TBC1D1: variants seen among roughly 807,000 people sequenced by gnomAD.
TBC1D1 encodes the protein TBC1 domain family member 1.
A neutral mutation model predicts 125.6 loss-of-function variants in TBC1D1; 89 were observed. That is an observed-to-expected ratio of 0.71 (90% CI 0.60 to 0.85). The LOEUF is 0.85. TBC1D1 is among the 40% of genes least tolerant of loss of function. The pLI is 0.00. For synonymous variants in TBC1D1, 565 were observed against 564.1 expected (o/e 1.00, Z -0.02); for missense variants, 1,377 against 1,469.2 (o/e 0.94, Z 1.03).
In TBC1D1 at chr4:37,984,646, C is replaced by A. The variant is rs1313283088; in HGVS notation, c.418-29863C>A. On this transcript the variant is annotated intron_variant, in intron 2 of 19. Transcript: ENST00000261439. ...ATCACTTGAGGCCAGGAGTTTGAGA[C>A]CAGCCTGGCCAACATGGCAAAACCC... Among the ~76,000 whole-genome samples, 5 of 152,006 alleles carry A rather than the reference C, an allele frequency of 3.3e-5. No individual in the cohort carries two copies. The South Asian group carries it at 1.0e-3, about 32-fold the overall frequency.
At chr4:37,914,817 G>A (rs761377075) in intron 2 of TBC1D1, among the ~76,000 whole-genome samples, 3 of 152,234 alleles carry the variant, frequency 2.0e-5, no homozygotes, top group Admixed American at 6.5e-5. Context: ...CTTTGCATCC[G>A]CTGTTGCCTC....
At chr4:37,891,660 C>G (rs771222356) in intron 1 of TBC1D1, among the ~76,000 whole-genome samples, 6 of 143,066 alleles carry the variant, frequency 4.2e-5, no homozygotes, top group African/African-American at 1.6e-4. Context: ...CCCCTCCCCC[C>G]TCCCGCCAAT....
chr4:38,085,749 C>T (rs932577334), intron 12 of TBC1D1, among the ~76,000 whole-genome samples: 5 of 152,212 alleles, frequency 3.3e-5, no homozygotes, highest in African/African-American at 7.2e-5. Flanking sequence ...GACCACCTAA[C>T]GCATTGCATC....
intron 17 of TBC1D1, among the ~76,000 whole-genome samples, chr4:38,118,875 A>G (rs1276849286): frequency 6.6e-6 from 1 of 152,200 alleles, no homozygotes; most frequent in African/African-American, 2.4e-5. Flanking sequence ...AACATTGTCA[A>G]AGTTAGGTGA....
intron 12 of TBC1D1, among the ~76,000 whole-genome samples, chr4:38,064,773 G>A (rs1254393225): frequency 6.6e-6 from 1 of 151,714 alleles, no homozygotes; most frequent in African/African-American, 2.4e-5. Flanking sequence ...ACAGGCGTGC[G>A]CTGCCATGCC....
At chr4:37,963,938 C>T (rs1219978577) in intron 2 of TBC1D1, among the ~76,000 whole-genome samples, 1 of 152,110 alleles carries the variant, frequency 6.6e-6, no homozygotes, top group East Asian at 1.9e-4. Context: ...CTACAGGGTC[C>T]CTGATGTTGG....
At position 37,996,704 on chromosome 4, in the gene TBC1D1, C is replaced by T. The variant is rs183303443; in HGVS notation, c.418-17805C>T. Among the ~76,000 whole-genome samples the T allele has an allele frequency of 4.8e-3, 732 of 152,348 alleles. 12 individuals carry two copies. The highest frequency in any genetic ancestry group is 5.9e-3 in the Admixed American group (91 of 15,314). ...CTTTCCTGTGATTGAGCCTGGCACT[C>T]ATGAATTAGTGTAATTTTTCTGTTC... On this transcript the variant is annotated intron_variant, in intron 2 of 19. Transcript: ENST00000261439.
chr4:37,917,567 G>A (rs559342735), intron 2 of TBC1D1, among the ~76,000 whole-genome samples: 10 of 152,194 alleles, frequency 6.6e-5, no homozygotes, highest in Non-Finnish European at 1.5e-4. Flanking sequence ...AGTAGATGGG[G>A]ATGGAGGAGC....
intron 2 of TBC1D1, among the ~76,000 whole-genome samples, chr4:37,986,813 A>G (rs1475800033): frequency 7.3e-6 from 1 of 137,712 alleles, no homozygotes; most frequent in Non-Finnish European, 1.6e-5. Context: ...GAGCAAGGAG[A>G]GGAAGCCTGA....
intron 15 of TBC1D1, among the ~76,000 whole-genome samples, chr4:38,103,861 G>GGT (rs1023175850): frequency 1.3e-5 from 2 of 152,018 alleles, no homozygotes; most frequent in Non-Finnish European, 2.9e-5. Context: ...GATGATTTAA[G>GGT]GTGTGTGGGA....
At chr4:38,085,573 G>GGT (rs1246869436) in intron 12 of TBC1D1, among the ~76,000 whole-genome samples, 1 of 152,150 alleles carries the variant, frequency 6.6e-6, no homozygotes, top group Non-Finnish European at 1.5e-5. Context: ...TGGCCCATGA[G>GGT]GTAGAGCAGC....
In TBC1D1 at chr4:38,137,356, C is replaced by A; in HGVS notation, c.*21C>A. ...ACTGACAGCTCTGCAGGAGAGATTG[C>A]AACACCATCCCACACTGTCCAGGCC... On this transcript the variant is annotated 3_prime_UTR_variant, in exon 20 of 20. Transcript: ENST00000261439. 6.2e-7 allele frequency: 1 copy of A among 1,605,218 alleles called. No individual in the cohort carries two copies. The highest frequency in any genetic ancestry group is 8.5e-7 in the Non-Finnish European group (1 of 1,178,080).
At chr4:37,940,085 T>C (rs1725230512) in intron 2 of TBC1D1, among the ~76,000 whole-genome samples, 2 of 152,246 alleles carry the variant, frequency 1.3e-5, no homozygotes, top group Admixed American at 1.3e-4. Context: ...TTAATGGGGA[T>C]GGCATTGAAT....
At chr4:38,061,878 A>T (rs1752832599) in intron 12 of TBC1D1, among the ~76,000 whole-genome samples, 1 of 152,218 alleles carries the variant, frequency 6.6e-6, no homozygotes, top group Non-Finnish European at 1.5e-5. Context: ...ATGAAACATG[A>T]TTTACATGTG....
At chr4:37,913,927 G>A (rs1719173161) in intron 2 of TBC1D1, among the ~76,000 whole-genome samples, 1 of 151,898 alleles carries the variant, frequency 6.6e-6, no homozygotes, top group South Asian at 2.1e-4. Flanking sequence ...CAACTTCTCA[G>A]TAGCTTTTGT....
intron 2 of TBC1D1, among the ~76,000 whole-genome samples, chr4:37,979,822 C>T (rs1411923685): frequency 6.6e-6 from 1 of 152,206 alleles, no homozygotes; most frequent in Non-Finnish European, 1.5e-5. Context: ...TCTTGTTGTC[C>T]AGGCTGGAGT....
intron 2 of TBC1D1, among the ~76,000 whole-genome samples, chr4:37,929,336 G>A (rs1722782877): frequency 6.6e-6 from 1 of 152,192 alleles, no homozygotes; most frequent in Admixed American, 6.5e-5. Context: ...ACAATGATAA[G>A]ATCATAATAC....
intron 13 of TBC1D1, among the ~76,000 whole-genome samples, chr4:38,092,398 C>T (rs1363088462): frequency 6.6e-6 from 1 of 152,002 alleles, no homozygotes; most frequent in Non-Finnish European, 1.5e-5. Context: ...TTGATGTAAA[C>T]GTGAGATATG....
intron 2 of TBC1D1, among the ~76,000 whole-genome samples, chr4:37,907,851 A>G (rs1279411734): frequency 6.6e-6 from 1 of 152,142 alleles, no homozygotes; most frequent in Non-Finnish European, 1.5e-5. Flanking sequence ...CTTCTACAAA[A>G]TCTCTACTCA....
Sources: gnomAD v4.1 joint callset for allele counts (sites outside exome capture counted in the v4.1 genomes callset) on GRCh38, gnomAD v4.1.1 for gene constraint, MANE v1.5 for transcripts, NCBI Gene and HGNC (gene_info 2026-07-23, HGNC 2026-07-21) for gene names.